The following KDM4B variants were observed in gnomAD, a reference collection of about 807,000 sequenced individuals.
KDM4B encodes the protein lysine demethylase 4B, also known as lysine-specific demethylase 4B.
Under a neutral mutation model 125.2 loss-of-function variants are expected in KDM4B, and 32 were observed. The ratio of observed to expected loss-of-function variants is 0.26; its 90% CI spans 0.19 to 0.34. The LOEUF is 0.34. Ranked by LOEUF, KDM4B falls within the 10% of genes least tolerant of loss-of-function variation. The pLI is 1.00. For synonymous variants in KDM4B, 721 were observed against 677.9 expected (o/e 1.06, Z -0.99); for missense variants, 1,190 against 1,577.7 (o/e 0.75, Z 4.16).
Position 5,057,068 on chromosome 19 carries a change from G to GCA in KDM4B, c.626+9400_626+9401insAC, listed in dbSNP as rs1395831084. Among the ~76,000 whole-genome samples, 6 of 138,072 alleles carry GCA rather than the reference G, an allele frequency of 4.3e-5. No individual in the cohort carries two copies. The East Asian group carries it at 1.0e-3, about 23-fold the overall frequency. The allele number at this position is 138,072 out of a possible 152,430, so 90.6% of individuals were successfully genotyped here. On this transcript the variant is annotated intron_variant, in intron 6 of 22. Coordinates refer to ENST00000159111, the MANE Select transcript of KDM4B (RefSeq NM_015015.3). ...TGTGTGTGTGTGTGTGTGTGTGTGC[G>GCA]CGCGCGCGCGTATGTTAGCAAATGA...
chr19:5,106,041 C>G (rs1310597479), intron 9 of KDM4B, among the ~76,000 whole-genome samples: 1 of 152,218 alleles, frequency 6.6e-6, no homozygotes, highest in East Asian at 1.9e-4. Context: ...TGATACATTT[C>G]CCTGTCTTGA....
chr19:4,997,734 A>G lies in KDM4B; in HGVS notation c.-108-18523A>G, dbSNP rs2035247733. Among the ~76,000 whole-genome samples, 1 of 152,200 alleles carries G rather than the reference A, an allele frequency of 6.6e-6. No individual in the cohort carries two copies. The highest frequency in any genetic ancestry group is 1.5e-5 in the Non-Finnish European group (1 of 68,046). ...GCCAGGCACTCAGAGTCATGCCTGC[A>G]TGGGGGCTCCAGGACCTCGTCATCA... is the stretch of plus-strand genomic sequence containing the variant. On this transcript the variant is annotated intron_variant, in intron 1 of 22. Coordinates refer to ENST00000159111, the MANE Select transcript of KDM4B (RefSeq NM_015015.3). This position sits in a 1 kb window ranked among gnomAD's most constrained non-coding sequence, Gnocchi z 4.2.
intron 1 of KDM4B, among the ~76,000 whole-genome samples, chr19:4,978,506 CAAAAAAAA>C (rs58304162): frequency 3.0e-4 from 11 of 36,402 alleles, no homozygotes; most frequent in African/African-American, 9.7e-4. Flanking sequence ...GACTCTGTCT[CAAAAAAAA>C]AAAAAAAAAA....
chr19:5,115,891 C>T lies in KDM4B; in HGVS notation c.1116-3762C>T, dbSNP rs970620167. On this transcript the variant is annotated intron_variant, in intron 10 of 22. Transcript: ENST00000159111. The surrounding 1 kb of genome is among the most constrained non-coding windows in gnomAD (Gnocchi z 4.2). ...ATAGGAAGGATCAGGAAGTCAGAGG[C>T]GTAGTCTAGGAAATCTAGCCCCTGA... 2.0e-5 allele frequency among the ~76,000 whole-genome samples: 3 copies of T among 152,072 alleles called. No individual in the cohort carries two copies. The highest frequency in any genetic ancestry group is 4.4e-5 in the Non-Finnish European group (3 of 68,016).
chr19:5,128,861 G>C (rs571909754), intron 11 of KDM4B, among the ~76,000 whole-genome samples: 1,762 of 52,520 alleles, frequency 0.034, 48 homozygotes, highest in African/African-American at 0.11. Flanking sequence ...GGCGGGGGGC[G>C]GGGGGGGGGG....
Position 5,135,400 on chromosome 19 carries a change from T to C in KDM4B, c.2147T>C (p.Leu716Ser), listed in dbSNP as rs2039630927. The change falls in exon 15 of 23, where the codon TTA (leucine) becomes TCA (serine). Residue 716 changes from leucine (L) to serine (S), a missense_variant. Leu to Ser is a moderately radical substitution (Grantham distance 145). Transcript: ENST00000159111. ...CTCGGAGAGGGCTGCCCGGCCACAT[T>C]ACCCTCCAAAAGCCGTCAGAAGACC... ...ASLGEGCPAT[L>S]PSKSRQKTRP... The C allele has an allele frequency of 6.2e-7, 1 of 1,613,408 alleles. No individual in the cohort carries two copies. Among genetic ancestry groups the C allele is most frequent in the African/African-American group, 1.3e-5 (1 of 74,912 alleles).
chr19:5,110,204 T>C (rs1324484144), intron 9 of KDM4B, among the ~76,000 whole-genome samples: 1 of 152,170 alleles, frequency 6.6e-6, no homozygotes, highest in Admixed American at 6.5e-5. Flanking sequence ...GGAGTGCTGG[T>C]GCACACCTGT....
intron 18 of KDM4B, among the ~76,000 whole-genome samples, chr19:5,139,569 T>G (rs1244770815): frequency 1.3e-5 from 2 of 152,210 alleles, no homozygotes; most frequent in Non-Finnish European, 2.9e-5. Flanking sequence ...CCCCTTCCCC[T>G]CGTCCTCACT....
At chr19:5,010,245 G>A (rs60808650) in intron 1 of KDM4B, among the ~76,000 whole-genome samples, 38,605 of 152,152 alleles carry the variant, frequency 0.25, 6,340 homozygotes, top group East Asian at 0.69. Context: ...GCTTTCAGAC[G>A]TTTTCTCATG....
At chr19:5,044,770 C>T (rs918223337) in intron 5 of KDM4B, among the ~76,000 whole-genome samples, 13 of 152,116 alleles carry the variant, frequency 8.5e-5, no homozygotes, top group African/African-American at 1.2e-4. Context: ...CATCCCTCTC[C>T]TGCGCCCCAG....
At chr19:5,079,885 TA>T (rs1433960736) in intron 8 of KDM4B, among the ~76,000 whole-genome samples, 3 of 152,104 alleles carry the variant, frequency 2.0e-5, no homozygotes, top group Admixed American at 6.5e-5. Flanking sequence ...GGTTTTTTTT[TA>T]AAAAGCCCCA....
At chr19:5,050,970 G>A (rs2037202655) in intron 6 of KDM4B, among the ~76,000 whole-genome samples, 1 of 152,172 alleles carries the variant, frequency 6.6e-6, no homozygotes, top group Non-Finnish European at 1.5e-5. Context: ...TAGCCGAGCT[G>A]ACCCTCCAAG....
intron 2 of KDM4B, among the ~76,000 whole-genome samples, chr19:5,021,677 C>A (rs1011878011): frequency 3.6e-5 from 5 of 138,866 alleles, no homozygotes; most frequent in Non-Finnish European, 7.6e-5. Context: ...CGCTCTGTTG[C>A]CAGACTGGAG....
At chr19:5,086,187 C>T (rs1334613232) in intron 9 of KDM4B, among the ~76,000 whole-genome samples, 2 of 151,892 alleles carry the variant, frequency 1.3e-5, no homozygotes, top group Non-Finnish European at 2.9e-5. Context: ...CCGCTAGGGA[C>T]CCCTGCCCCC....
At chr19:5,111,682 G>A in intron 10 of KDM4B, 1 of 734,476 alleles carries the variant, frequency 1.4e-6, no homozygotes. Context: ...CTGAGCATGA[G>A]CTGGAGCCGG....
At chr19:5,125,348 G>T (rs2039430630) in intron 11 of KDM4B, among the ~76,000 whole-genome samples, 1 of 152,182 alleles carries the variant, frequency 6.6e-6, no homozygotes, top group African/African-American at 2.4e-5. Context: ...CTGAACCAGG[G>T]GGTCCTGGTT....
intron 1 of KDM4B, among the ~76,000 whole-genome samples, chr19:4,985,457 G>A (rs1395850907): frequency 3.3e-5 from 5 of 152,242 alleles, no homozygotes; most frequent in East Asian, 1.9e-4. Context: ...GGCTCCAGGC[G>A]GCTGGTTTAG....
rs958393405 is a variant in KDM4B, at chr19:5,151,780, C to T, written c.*269C>T. The T allele has an allele frequency of 1.9e-5, 7 of 362,552 alleles. 1 individual carries two copies. Among genetic ancestry groups the T allele is most frequent in the South Asian group, 2.9e-4 (2 of 6,784 alleles). 22.5% of individuals were successfully genotyped at this position (362,552 alleles called of 1,614,324 possible). A position where few individuals can be genotyped will look rare whatever the true frequency, so the allele number is the denominator to read the frequency against. ...TAAACCATGTAAGCTCTCTTCTTCT[C>T]GAAAAGGTGCTACTGCAATGCCCTA... is the stretch of plus-strand genomic sequence containing the variant. On this transcript the variant is annotated 3_prime_UTR_variant, in exon 23 of 23. Coordinates refer to ENST00000159111, the MANE Select transcript of KDM4B (RefSeq NM_015015.3).
chr19:5,034,364 GC>G (rs2036550921), intron 3 of KDM4B, among the ~76,000 whole-genome samples: 3 of 152,200 alleles, frequency 2.0e-5, no homozygotes. Flanking sequence ...TCTACACACG[GC>G]CAGAGGGTGA....
Sources: gnomAD v4.1 joint callset for allele counts (sites outside exome capture counted in the v4.1 genomes callset) on GRCh38, gnomAD v4.1.1 for gene constraint, Gnocchi (gnomAD v3.1) non-coding constraint, MANE v1.5 for transcripts, NCBI Gene and HGNC (gene_info 2026-07-23, HGNC 2026-07-21) for gene names.